INO80: variants seen among roughly 807,000 people sequenced by gnomAD.
INO80 encodes chromatin-remodeling ATPase INO80.
A neutral mutation model predicts 203.4 loss-of-function variants in INO80; 20 were observed. The observed-to-expected ratio is 0.10, with a 90% CI of 0.07 to 0.14. The LOEUF is 0.14. INO80 is among the 10% of genes least tolerant of loss of function. The pLI is 1.00. For missense variants in INO80, 1,419 were observed against 1,914.4 expected (o/e 0.74, Z 4.83); for synonymous variants, 726 against 685.2 (o/e 1.06, Z -0.93).
At chr15:41,043,917 A>G (rs1464781283) in intron 24 of INO80, among the ~76,000 whole-genome samples, 1 of 152,130 alleles carries the variant, frequency 6.6e-6, no homozygotes, top group African/African-American at 2.4e-5. Flanking sequence ...ACACAACATC[A>G]TTACTTTTCA....
chr15:40,983,107 G>GAA (rs367733180), intron 34 of INO80, 30 bp from the exon 35 acceptor site: 566 of 1,170,388 alleles, frequency 4.8e-4, no homozygotes, highest in Non-Finnish European at 5.9e-4. Flanking sequence ...AAAAGGGAAA[G>GAA]AAAAAAAAAA....
At chr15:41,014,449 G>A (rs921246331) in intron 27 of INO80, among the ~76,000 whole-genome samples, 1 of 152,134 alleles carries the variant, frequency 6.6e-6, no homozygotes, top group Non-Finnish European at 1.5e-5. Context: ...TCATCTGTTT[G>A]AACAGAACAC....
At chr15:41,091,408 C>A (rs1294195586) in intron 5 of INO80, among the ~76,000 whole-genome samples, 3 of 152,032 alleles carry the variant, frequency 2.0e-5, no homozygotes, top group Non-Finnish European at 4.4e-5. Flanking sequence ...GCAAGATGTG[C>A]AGGTTTGCTA....
chr15:41,099,256 A>AC (rs2045770197), intron 1 of INO80, among the ~76,000 whole-genome samples: 1 of 135,756 alleles, frequency 7.4e-6, no homozygotes, highest in Non-Finnish European at 1.6e-5. Flanking sequence ...AAAAAAAAAA[A>AC]AAAAAAAAAA....
chr15:41,089,120 G>A (rs1372207227), intron 5 of INO80, among the ~76,000 whole-genome samples: 2 of 152,128 alleles, frequency 1.3e-5, no homozygotes, highest in African/African-American at 2.4e-5. Context: ...AACCCAGGAG[G>A]CAGAGGTTGC....
intron 24 of INO80, among the ~76,000 whole-genome samples, chr15:41,028,684 C>G (rs1252852545): frequency 6.6e-6 from 1 of 151,348 alleles, no homozygotes; most frequent in Non-Finnish European, 1.5e-5. Flanking sequence ...TGGCGAAACT[C>G]TGTCTCTACT....
At chr15:41,092,548 C>A (rs940411837) in intron 4 of INO80, among the ~76,000 whole-genome samples, 16 of 151,894 alleles carry the variant, frequency 1.1e-4, no homozygotes, top group Admixed American at 6.6e-4. Context: ...ATATAGAAAG[C>A]AAGCTGTAAT....
At chr15:41,097,557 C>G (rs931617223) in intron 1 of INO80, among the ~76,000 whole-genome samples, 8 of 151,862 alleles carry the variant, frequency 5.3e-5, no homozygotes, top group Non-Finnish European at 8.8e-5. Flanking sequence ...ACTGCAACCT[C>G]TGCCTCACAG....
chr15:41,061,515 C>T (rs971363286), intron 14 of INO80, among the ~76,000 whole-genome samples: 34 of 144,110 alleles, frequency 2.4e-4, no homozygotes, highest in South Asian at 2.2e-4. Context: ...CGCAACTATT[C>T]GGGAGGCTGA....
chr15:41,110,307 C>G (rs903731222), intron 1 of INO80, among the ~76,000 whole-genome samples: 1 of 150,946 alleles, frequency 6.6e-6, no homozygotes, highest in African/African-American at 2.4e-5. Context: ...AGCACACTCA[C>G]CCAATTTTTG....
At chr15:41,004,078 T>A (rs910692111) in intron 28 of INO80, among the ~76,000 whole-genome samples, 5 of 152,208 alleles carry the variant, frequency 3.3e-5, no homozygotes, top group African/African-American at 1.2e-4. Flanking sequence ...AACAATGTGG[T>A]GGAATAAGGA....
At chr15:41,002,308 A>T (rs1449880519) in intron 28 of INO80, among the ~76,000 whole-genome samples, 2 of 152,222 alleles carry the variant, frequency 1.3e-5, no homozygotes, top group African/African-American at 4.8e-5. Flanking sequence ...TTAATGGTGA[A>T]AATGCCACTC....
intron 1 of INO80, among the ~76,000 whole-genome samples, chr15:41,109,906 T>C (rs2045934687): frequency 6.7e-6 from 1 of 149,724 alleles, no homozygotes; most frequent in Non-Finnish European, 1.5e-5. Flanking sequence ...CACTCCAGCC[T>C]GGACGACAGA....
At chr15:41,113,335 C>T (rs1201437406) in intron 1 of INO80, among the ~76,000 whole-genome samples, 3 of 152,070 alleles carry the variant, frequency 2.0e-5, no homozygotes, top group East Asian at 1.9e-4. Flanking sequence ...GGCTCAATCT[C>T]GGCTCACTGC....
chr15:40,994,720 G>T (rs1454053678), intron 29 of INO80, among the ~76,000 whole-genome samples: 1 of 152,004 alleles, frequency 6.6e-6, no homozygotes. Context: ...TCCTGCCACT[G>T]GAAATGTAAT....
chr15:41,070,003 CTTTT>C (rs1193763059), intron 13 of INO80, among the ~76,000 whole-genome samples: 2 of 151,784 alleles, frequency 1.3e-5, no homozygotes, highest in East Asian at 1.9e-4. Flanking sequence ...AGAGCTTTTG[CTTTT>C]TTTTCAGTTT....
Position 41,085,448 on chromosome 15 carries a change from T to C in INO80, c.794A>G (p.Lys265Arg). 1 of 1,614,214 alleles carries C rather than the reference T, an allele frequency of 6.2e-7. No individual in the cohort carries two copies. Among genetic ancestry groups the C allele is most frequent in the East Asian group, 2.2e-5 (1 of 44,886 alleles). Residue 265 changes from lysine (K) to arginine (R), a missense_variant, in exon 7 of 36, where the codon AAA becomes AGA. Physicochemically the swap from Lys to Arg is conservative, Grantham distance 26. This residue lies in a region of INO80 where 323 missense variants were observed against 325.4 expected (regional missense o/e 0.99). Transcript: ENST00000648947. ...SHDAPPPGTK[K>R]KHLSIEQLNA... is the part of the protein sequence containing the mutation. ...CAGCTGCTCAATGGATAAGTGCTTT[T>C]TCTTAGTGCCAGGGGGAGGTGCATC...
chr15:41,052,701 A>G (rs12907615), intron 19 of INO80, among the ~76,000 whole-genome samples: 1 of 142,886 alleles, frequency 7.0e-6, no homozygotes, highest in Non-Finnish European at 1.5e-5. Context: ...AAAAAAAAAT[A>G]CAAGGGGAAA....
intron 24 of INO80, among the ~76,000 whole-genome samples, chr15:41,031,295 C>A (rs1031787740): frequency 6.6e-6 from 1 of 151,362 alleles, no homozygotes; most frequent in Middle Eastern, 3.4e-3. Flanking sequence ...AAAATGTATG[C>A]CTGACATGGA....
Sources: gnomAD v4.1 joint callset for allele counts (sites outside exome capture counted in the v4.1 genomes callset) on GRCh38, gnomAD v4.1.1 for gene constraint, gnomAD v4.1.1 regional missense constraint, MANE v1.5 for transcripts, NCBI Gene and HGNC (gene_info 2026-07-23, HGNC 2026-07-21) for gene names.